SPIRE1: variants seen among roughly 807,000 people sequenced by gnomAD.
SPIRE1 encodes the protein spire type actin nucleation factor 1.
In SPIRE1, 40 loss-of-function variants were observed where a neutral mutation model predicts 94.1. That is an observed-to-expected ratio of 0.43 (90% CI 0.33 to 0.55). The LOEUF is 0.55. SPIRE1 is among the 20% of genes least tolerant of loss of function. The pLI, the probability that SPIRE1 is intolerant of heterozygous loss-of-function variation, is 0.06. For missense variants in SPIRE1, 838 were observed against 975.2 expected (o/e 0.86, Z 1.87); for synonymous variants, 376 against 371.7 (o/e 1.01, Z -0.13).
chr18:12,625,903 C>T lies in SPIRE1; in HGVS notation c.372+9159G>A, dbSNP rs549478550. Among the ~76,000 whole-genome samples, 6 of 152,138 alleles carry T rather than the reference C, an allele frequency of 3.9e-5. No individual in the cohort carries two copies. The South Asian group carries it at 8.3e-4, about 21-fold the overall frequency. On this transcript the variant is annotated intron_variant, in intron 2 of 16. Coordinates refer to ENST00000409402, the MANE Select transcript of SPIRE1 (RefSeq NM_001128626.2). ...ACTAAAAATACAAAAATTAGCTGGG[C>T]GTGGTGGCGGCTGCCTGTAATCCCA...
chr18:12,487,497 T>C (rs1444949796), intron 8 of SPIRE1, among the ~76,000 whole-genome samples: 1 of 151,278 alleles, frequency 6.6e-6, no homozygotes, highest in Non-Finnish European at 1.5e-5. Context: ...CAACCTCTGC[T>C]TCCCAGGTTC....
At chr18:12,491,427 T>C (rs1359535460) in intron 8 of SPIRE1, among the ~76,000 whole-genome samples, 1 of 152,002 alleles carries the variant, frequency 6.6e-6, no homozygotes, top group Non-Finnish European at 1.5e-5. Context: ...AACAGCATGG[T>C]ACTGGCAAAC....
chr18:12,500,734 T>C (rs1048033589), intron 6 of SPIRE1, among the ~76,000 whole-genome samples: 2 of 152,044 alleles, frequency 1.3e-5, no homozygotes, highest in East Asian at 3.9e-4. Context: ...AAATGTCCAT[T>C]TGGGTCATGA....
upstream of SPIRE1, chr18:12,661,257 G>A (rs9635805): frequency 0.14 from 62,466 of 431,418 alleles, 4,959 homozygotes; most frequent in East Asian, 0.23. Context: ...GCAGTGAGCC[G>A]AGATCACGCC....
In SPIRE1 at chr18:12,526,056, TACACACACACACACACAC is replaced by T. The variant is rs56263373; in HGVS notation, c.729+9402_729+9419del. Among the ~76,000 whole-genome samples, 5 of 122,584 alleles carry T rather than the reference TACACACACACACACACAC, an allele frequency of 4.1e-5. No homozygotes were observed. The Admixed American group carries it at 4.2e-4, about 10-fold the overall frequency. The allele number at this position is 122,584 out of a possible 152,430, so 80.4% of individuals were successfully genotyped here. A position where few individuals can be genotyped will look rare whatever the true frequency, so the allele number is the denominator to read the frequency against. On this transcript the variant is annotated intron_variant, in intron 4 of 16. Coordinates refer to ENST00000409402, the MANE Select transcript of SPIRE1 (RefSeq NM_001128626.2). ...CAGTCTAGGGTCAGAATACTGAAGATACACACACACACACACACACACACACACACACACACAGAGATG... is the reference window on the plus strand; with the variant it reads ...CAGTCTAGGGTCAGAATACTGAAGATACACACACACACACACACAGAGATG...
chr18:12,567,707 C>T (rs1159456054), intron 2 of SPIRE1, among the ~76,000 whole-genome samples: 1 of 152,010 alleles, frequency 6.6e-6, no homozygotes, highest in Non-Finnish European at 1.5e-5. Flanking sequence ...AGGATCCTTC[C>T]TTAAGGGAAT....
chr18:12,488,824 A>C (rs558062509), intron 8 of SPIRE1, among the ~76,000 whole-genome samples: 1 of 152,230 alleles, frequency 6.6e-6, no homozygotes, highest in Non-Finnish European at 1.5e-5. Flanking sequence ...AGTATGTTTT[A>C]AACAGGCATT....
chr18:12,524,848 G>C (rs1212542972), intron 4 of SPIRE1, among the ~76,000 whole-genome samples: 1 of 151,958 alleles, frequency 6.6e-6, no homozygotes, highest in South Asian at 2.1e-4. Context: ...CCATGGTGGT[G>C]AACACCTGTA....
At chr18:12,526,575 T>C (rs1328999943) in intron 4 of SPIRE1, among the ~76,000 whole-genome samples, 1 of 152,234 alleles carries the variant, frequency 6.6e-6, no homozygotes. Flanking sequence ...ACTTAAAACA[T>C]GGCTTCTGTG....
intron 13 of SPIRE1, 31 bp from the exon 14 acceptor site, chr18:12,453,169 A>C (rs1568178388): frequency 3.4e-6 from 5 of 1,492,332 alleles, no homozygotes; most frequent in African/African-American, 1.4e-5. Flanking sequence ...AGGAAAAAAA[A>C]CATTGCCAAC....
chr18:12,572,899 G>A (rs1250000988), intron 2 of SPIRE1, among the ~76,000 whole-genome samples: 1 of 152,174 alleles, frequency 6.6e-6, no homozygotes, highest in Non-Finnish European at 1.5e-5. Flanking sequence ...AGGGATGATA[G>A]ACCTAAATGT....
At chr18:12,530,283 GAACA>G (rs1404522110) in intron 4 of SPIRE1, among the ~76,000 whole-genome samples, 3 of 152,104 alleles carry the variant, frequency 2.0e-5, no homozygotes, top group African/African-American at 7.2e-5. Flanking sequence ...TGAATAAATA[GAACA>G]AAAAATTTAG....
At chr18:12,658,613 G>T, upstream of SPIRE1, 1 of 470,448 alleles carries the variant, frequency 2.1e-6, no homozygotes. Context: ...ACTTGAACCC[G>T]CCTGGAGCGG....
chr18:12,482,195 T>G (rs376765111), intron 9 of SPIRE1, among the ~76,000 whole-genome samples: 9 of 152,288 alleles, frequency 5.9e-5, no homozygotes, highest in East Asian at 5.8e-4. Context: ...TAGGCTGGAG[T>G]GCAGTGGCGC....
At chr18:12,611,427 C>T (rs1355211815) in intron 2 of SPIRE1, among the ~76,000 whole-genome samples, 2 of 152,166 alleles carry the variant, frequency 1.3e-5, no homozygotes, top group African/African-American at 2.4e-5. Flanking sequence ...GAGAAGAAGC[C>T]TATATAGTAA....
rs555975283 is a variant in SPIRE1, at chr18:12,531,472, G to A, written c.729+4004C>T. 3.3e-4 allele frequency among the ~76,000 whole-genome samples: 50 copies of A among 152,228 alleles called. 1 individual carries two copies. The Middle Eastern group carries it at 0.01, about 31-fold the overall frequency. On this transcript the variant is annotated intron_variant, in intron 4 of 16. Transcript: ENST00000409402. ...TGCATTTTATGTGACACTCTTAGAG[G>A]AAAATAGCAATAACTTCTATGTAGT...
At chr18:12,636,978 T>A (rs1468324494) in intron 1 of SPIRE1, among the ~76,000 whole-genome samples, 1 of 152,192 alleles carries the variant, frequency 6.6e-6, no homozygotes, top group Non-Finnish European at 1.5e-5. Flanking sequence ...AAACAGTTAC[T>A]GAGAGCCTAC....
At chr18:12,461,461 T>TATGTACGTACATACATGTGTGTATGTAC (rs1555680909) in intron 12 of SPIRE1, among the ~76,000 whole-genome samples, 1 of 145,748 alleles carries the variant, frequency 6.9e-6, no homozygotes, top group Non-Finnish European at 1.5e-5. Flanking sequence ...TGTGTATGTA[T>TATGTACGTACATACATGTGTGTATGTAC]GTACATATGT....
chr18:12,660,926 T>C (rs1002656013), upstream of SPIRE1, among the ~76,000 whole-genome samples: 1 of 152,248 alleles, frequency 6.6e-6, no homozygotes, highest in African/African-American at 2.4e-5. Context: ...GTCTTCTAAG[T>C]GTAGTTATAC....
Sources: allele counts gnomAD v4.1 joint callset (sites outside exome capture counted in the v4.1 genomes callset), GRCh38; gene constraint gnomAD v4.1.1; transcripts MANE v1.5; gene names NCBI Gene and HGNC (gene_info 2026-07-23, HGNC 2026-07-21).